TDRD3: variants seen among roughly 807,000 people sequenced by gnomAD.
TDRD3 encodes tudor domain-containing protein 3.
A neutral mutation model predicts 86.7 loss-of-function variants in TDRD3; 45 were observed. The ratio of observed to expected loss-of-function variants is 0.52; its 90% CI spans 0.41 to 0.67. The LOEUF is 0.67. Ranked by LOEUF, TDRD3 falls within the 30% of genes least tolerant of loss-of-function variation. The probability of loss-of-function intolerance (pLI) is 0.00; values close to 1 mark genes in which losing one functional copy is unlikely to be tolerated. For missense variants in TDRD3, 814 were observed against 889.0 expected (o/e 0.92, Z 1.07); for synonymous variants, 298 against 301.7 (o/e 0.99, Z 0.13).
intron 12 of TDRD3, among the ~76,000 whole-genome samples, chr13:60,558,062 C>G (rs1384190261): frequency 6.6e-6 from 1 of 152,118 alleles, no homozygotes; most frequent in East Asian, 1.9e-4. Flanking sequence ...ACCTCATGAT[C>G]TGCCCACCTC....
At chr13:60,524,750 G>T (rs1212208378) in intron 10 of TDRD3, among the ~76,000 whole-genome samples, 2 of 151,956 alleles carry the variant, frequency 1.3e-5, no homozygotes, top group African/African-American at 4.8e-5. Context: ...TGACTTCTTA[G>T]GTATTATTTC....
At chr13:60,541,716 C>CTTTTTTTT (rs71199007) in intron 12 of TDRD3, among the ~76,000 whole-genome samples, 1,399 of 41,042 alleles carry the variant, frequency 0.034, 358 homozygotes, top group Middle Eastern at 0.056. Flanking sequence ...TCAGCATAGT[C>CTTTTTTTT]TTTTTTTTTT....
intron 1 of TDRD3, among the ~76,000 whole-genome samples, chr13:60,428,567 C>T (rs771683042): frequency 6.6e-6 from 1 of 152,078 alleles, no homozygotes; most frequent in Non-Finnish European, 1.5e-5. Context: ...TACAATAGTG[C>T]AGTGGGGGTA....
intron 8 of TDRD3, among the ~76,000 whole-genome samples, chr13:60,499,136 G>T (rs765904594): frequency 3.3e-5 from 5 of 152,184 alleles, no homozygotes; most frequent in Admixed American, 6.5e-5. Flanking sequence ...AAACAATATT[G>T]CATCCCTGGA....
At chr13:60,565,123 T>C (rs180898141) in intron 12 of TDRD3, among the ~76,000 whole-genome samples, 14 of 141,728 alleles carry the variant, frequency 9.9e-5, no homozygotes, top group Admixed American at 9.8e-4. Flanking sequence ...TGGCACTGTC[T>C]GGGCTCACTG....
chr13:60,559,347 G>A (rs553382040), intron 12 of TDRD3, among the ~76,000 whole-genome samples: 4 of 152,242 alleles, frequency 2.6e-5, no homozygotes, highest in Non-Finnish European at 4.4e-5. Flanking sequence ...CTGTGATATA[G>A]TATCTCTTAA....
rs775581339 is a variant in TDRD3, at chr13:60,528,798, T to A, written c.1573T>A (p.Ser525Thr). 1.2e-6 allele frequency: 2 copies of A among 1,613,880 alleles called. No homozygotes were observed. Among genetic ancestry groups the A allele is most frequent in the Middle Eastern group, 3.3e-4 (2 of 6,060 alleles). ...EAKENPLPQG[S>T]VDYNNQKRGK... ...AAAAGAAAATCCACTTCCTCAAGGA[T>A]CTGTAGATTATAATAATCAAAAACG... The change falls in exon 11 of 14, where the codon TCT becomes ACT. Residue 525 changes from serine (S) to threonine (T), a missense_variant. Transcript: ENST00000377881.
At chr13:60,559,105 T>A (rs889730199) in intron 12 of TDRD3, among the ~76,000 whole-genome samples, 8 of 152,166 alleles carry the variant, frequency 5.3e-5, no homozygotes, top group Non-Finnish European at 1.2e-4. Flanking sequence ...AATAGAAGTA[T>A]GTTTTATTAA....
At chr13:60,513,414 C>T (rs1242014390) in intron 10 of TDRD3, among the ~76,000 whole-genome samples, 3 of 152,224 alleles carry the variant, frequency 2.0e-5, no homozygotes, top group Non-Finnish European at 2.9e-5. Context: ...TTGTTACTTA[C>T]GCATATTTTT....
chr13:60,557,476 CAT>C, intron 12 of TDRD3, among the ~76,000 whole-genome samples: 1 of 152,158 alleles, frequency 6.6e-6, no homozygotes, highest in South Asian at 2.1e-4. Flanking sequence ...GTTTGTAAAC[CAT>C]AGTTTTCTTT....
intron 7 of TDRD3, among the ~76,000 whole-genome samples, chr13:60,487,611 G>C: frequency 6.6e-6 from 1 of 152,218 alleles, no homozygotes; most frequent in East Asian, 1.9e-4. Context: ...GGGAGTCCTA[G>C]AACCAATCCC....
chr13:60,537,318 A>G (rs1380693543), intron 12 of TDRD3: 1 of 152,052 alleles, frequency 6.6e-6, no homozygotes, highest in East Asian at 1.9e-4. Flanking sequence ...AACTTAGTTG[A>G]GAGAAATATC....
chr13:60,398,061 A>AT (rs1406340426), intron 1 of TDRD3, among the ~76,000 whole-genome samples: 1 of 152,182 alleles, frequency 6.6e-6, no homozygotes, highest in African/African-American at 2.4e-5. Context: ...TGGTGTTCTG[A>AT]TTTTAAGAGG....
At chr13:60,563,542 G>T (rs1363574438) in intron 12 of TDRD3, among the ~76,000 whole-genome samples, 1 of 152,138 alleles carries the variant, frequency 6.6e-6, no homozygotes, top group Non-Finnish European at 1.5e-5. Flanking sequence ...TTTTTGTTGT[G>T]TGGGCTGTCC....
chr13:60,406,082 G>C (rs190445666), intron 1 of TDRD3, among the ~76,000 whole-genome samples: 1 of 152,252 alleles, frequency 6.6e-6, no homozygotes, highest in African/African-American at 2.4e-5. Context: ...AGTTAAGTTG[G>C]TCATTACTTG....
chr13:60,412,608 A>C (rs572608097), intron 1 of TDRD3, among the ~76,000 whole-genome samples: 1 of 152,136 alleles, frequency 6.6e-6, no homozygotes, highest in South Asian at 2.1e-4. Flanking sequence ...CCTTCTTTTT[A>C]TGTATTTTGT....
chr13:60,517,009 A>T (rs1338763931), intron 10 of TDRD3, among the ~76,000 whole-genome samples: 4 of 152,044 alleles, frequency 2.6e-5, no homozygotes, highest in African/African-American at 4.8e-5. Flanking sequence ...CATTATTTTT[A>T]TTTTCTGTGG....
At chr13:60,565,052 T>TA (rs1958419760) in intron 12 of TDRD3, among the ~76,000 whole-genome samples, 1 of 129,306 alleles carries the variant, frequency 7.7e-6, no homozygotes, top group African/African-American at 3.1e-5. Flanking sequence ...TTTTTTTTTT[T>TA]TTTTTTTTTT....
chr13:60,573,272 A>AT (rs531334976), intron 13 of TDRD3, among the ~76,000 whole-genome samples: 2 of 152,290 alleles, frequency 1.3e-5, no homozygotes, highest in South Asian at 4.1e-4. Flanking sequence ...GACGTGGTTC[A>AT]TTGGCAGACT....
Sources: gnomAD v4.1 joint callset for allele counts (sites outside exome capture counted in the v4.1 genomes callset) on GRCh38, gnomAD v4.1.1 for gene constraint, MANE v1.5 for transcripts, NCBI Gene and HGNC (gene_info 2026-07-23, HGNC 2026-07-21) for gene names.